PCLO: variants seen among roughly 807,000 people sequenced by gnomAD.
PCLO encodes the protein piccolo presynaptic cytomatrix protein, also known as protein piccolo.
A neutral mutation model predicts 427.5 loss-of-function variants in PCLO; 82 were observed. The ratio of observed to expected loss-of-function variants is 0.19; its 90% confidence interval spans 0.16 to 0.23. PCLO has a LOEUF of 0.23. Ranked by LOEUF, PCLO falls within the 10% of genes least tolerant of loss-of-function variation. The probability of loss-of-function intolerance (pLI) is 1.00; values close to 1 mark genes in which losing one functional copy is unlikely to be tolerated. For synonymous variants in PCLO, 2,357 were observed against 2,155.4 expected, an observed-to-expected ratio of 1.09 and a Z score of -2.59; for missense variants, 6,239 against 6,115.9, an observed-to-expected ratio of 1.02 and a Z score of -0.67.
intron 22 of PCLO, among the ~76,000 whole-genome samples, chr7:82,793,297 T>C (rs531673993): frequency 4.3e-4 from 65 of 152,280 alleles, no homozygotes; most frequent in Non-Finnish European, 8.5e-4. Flanking sequence ...CCTGGGGTTT[T>C]TAAGGGTAGT....
intron 3 of PCLO, among the ~76,000 whole-genome samples, chr7:83,016,536 T>C (rs1788212089): frequency 6.6e-6 from 1 of 152,076 alleles, no homozygotes; most frequent in Non-Finnish European, 1.5e-5. Context: ...AGGAAGGTTA[T>C]TGTTTAGACA....
intron 3 of PCLO, among the ~76,000 whole-genome samples, chr7:83,114,111 C>T (rs1791073201): frequency 1.3e-5 from 2 of 152,082 alleles, no homozygotes; most frequent in Non-Finnish European, 1.5e-5. Context: ...TAAGAGAAAG[C>T]CTGCATTTCA....
At chr7:82,866,655 T>TACACACACAC (rs71096605) in intron 10 of PCLO, among the ~76,000 whole-genome samples, 24 of 143,106 alleles carry the variant, frequency 1.7e-4, no homozygotes, top group Non-Finnish European at 2.7e-4. Context: ...TGAAATTTTA[T>TACACACACAC]ACACACACAC....
intron 20 of PCLO, among the ~76,000 whole-genome samples, chr7:82,806,529 G>A (rs936082178): frequency 6.6e-6 from 1 of 152,232 alleles, no homozygotes; most frequent in South Asian, 2.1e-4. Context: ...TGCAGTAGGG[G>A]TATAGTACTA....
rs1459184400 is a variant in PCLO at position 82,950,759 on chromosome 7, C to T, written c.9829G>A (p.Ala3277Thr). The change falls in exon 6 of 25, where the codon GCC becomes ACC. Residue 3277 changes from alanine to threonine, a missense_variant. Around this residue, in one of 5 missense-constraint regions of PCLO, gnomAD observed 4,677 missense variants for 4,468.4 expected, o/e 1.05. Coordinates refer to ENST00000333891, the MANE Select transcript of PCLO (RefSeq NM_033026.6). ...GTCTCCTGCCTCATCATGAACTGGGCTTGCCGCTCTTCTTCTTGCTGAAAG... is the reference window on the plus strand; with the variant it reads ...GTCTCCTGCCTCATCATGAACTGGGTTTGCCGCTCTTCTTCTTGCTGAAAG... ...LLFQQEEERQ[A>T]QFMMRQETLA... 2.5e-6 allele frequency: 4 copies of T among 1,613,848 alleles called. No homozygotes were observed. The highest frequency in any genetic ancestry group is 2.5e-6 in the Non-Finnish European group (3 of 1,179,844).
chr7:83,098,363 A>T (rs1323066868), intron 3 of PCLO, among the ~76,000 whole-genome samples: 1 of 152,148 alleles, frequency 6.6e-6, no homozygotes, highest in Non-Finnish European at 1.5e-5. Context: ...ATTGTTAATG[A>T]TCAAGTAACA....
Position 82,846,584 on chromosome 7 carries a change from T to C in PCLO, c.13814A>G (p.His4605Arg). 1 of 1,608,190 alleles carries C rather than the reference T, an allele frequency of 6.2e-7. No individual in the cohort carries two copies. Among genetic ancestry groups the C allele is most frequent in the Non-Finnish European group, 8.5e-7 (1 of 1,176,502 alleles). ...TTACCTACCAGCTTTTGGTGGCTCATGAAGTTCCAGATGCTGGGAATTTTC... is the reference window on the plus strand; with the variant it reads ...TTACCTACCAGCTTTTGGTGGCTCACGAAGTTCCAGATGCTGGGAATTTTC... ...DSENSQHLEL[H>R]EPPKAVDKAK... The change falls in exon 12 of 25, where the codon CAT becomes CGT. Residue 4605 changes from histidine to arginine, a missense_variant. Physicochemically the swap from His to Arg is conservative, Grantham distance 29. Around this residue, in one of 5 missense-constraint regions of PCLO, gnomAD observed 877 missense variants for 925.5 expected, o/e 0.95. Transcript: ENST00000333891.
chr7:83,025,281 C>A (rs1490093938), intron 3 of PCLO, among the ~76,000 whole-genome samples: 1 of 151,426 alleles, frequency 6.6e-6, no homozygotes, highest in Non-Finnish European at 1.5e-5. Context: ...AGCTGAAAAC[C>A]AAGGCTCGAG....
intron 2 of PCLO, among the ~76,000 whole-genome samples, chr7:83,151,136 G>A (rs1792118222): frequency 6.6e-6 from 1 of 152,104 alleles, no homozygotes. Flanking sequence ...TTGGTAGGCA[G>A]TATTAGAAAA....
At chr7:82,921,455 T>C (rs192672044) in intron 6 of PCLO, among the ~76,000 whole-genome samples, 138 of 152,074 alleles carry the variant, frequency 9.1e-4, no homozygotes, top group African/African-American at 3.3e-3. Flanking sequence ...CCTACAGCCA[T>C]CTGATCTTCA....
In PCLO at chr7:83,049,239, G is replaced by GA. The variant is rs894626047; in HGVS notation, c.3301-82753dup. ...CTGAAAGATAAGAGCGGCAATATAT[G>GA]AAAAATAAATCCACTGACCAGCAAG... On this transcript the variant is annotated intron_variant, in intron 3 of 24. Transcript: ENST00000333891. 1.4e-4 allele frequency among the ~76,000 whole-genome samples: 21 copies of GA among 152,206 alleles called. 1 individual carries two copies. The highest frequency in any genetic ancestry group is 1.3e-3 in the Admixed American group (20 of 15,276).
intron 3 of PCLO, among the ~76,000 whole-genome samples, chr7:82,971,470 CTGGTGG>C: frequency 6.7e-6 from 1 of 149,304 alleles, no homozygotes; most frequent in East Asian, 1.9e-4. Context: ...CATAAAACTG[CTGGTGG>C]TCTATTATAT....
At chr7:82,990,414 C>T (rs1796350757) in intron 3 of PCLO, among the ~76,000 whole-genome samples, 1 of 152,084 alleles carries the variant, frequency 6.6e-6, no homozygotes, top group African/African-American at 2.4e-5. Context: ...TAATTAATTA[C>T]TACCCTGTAC....
intron 3 of PCLO, among the ~76,000 whole-genome samples, chr7:83,082,135 G>A (rs112770658): frequency 1.7e-4 from 25 of 149,330 alleles, no homozygotes; most frequent in East Asian, 3.9e-4. Context: ...ACACACACAC[G>A]CACACACATA....
intron 20 of PCLO, 49 bp downstream of exon 20, chr7:82,822,446 C>T: frequency 1.9e-6 from 3 of 1,612,626 alleles, no homozygotes; most frequent in Non-Finnish European, 2.5e-6. Context: ...AGAAAGGCAA[C>T]AGATGAACAT....
intron 10 of PCLO, among the ~76,000 whole-genome samples, chr7:82,866,748 AG>A (rs1380618852): frequency 6.6e-6 from 1 of 151,744 alleles, no homozygotes; most frequent in Admixed American, 6.6e-5. Context: ...GCATTCTTGT[AG>A]GCTATTGTTT....
At chr7:83,143,795 C>T (rs1267176998) in intron 2 of PCLO, among the ~76,000 whole-genome samples, 1 of 152,128 alleles carries the variant, frequency 6.6e-6, no homozygotes, top group East Asian at 1.9e-4. Context: ...ATGCATTATG[C>T]ATTAACACTT....
In PCLO at chr7:82,775,173, A is replaced by T. The variant is rs181400969; in HGVS notation, c.15008-13680T>A. On this transcript the variant is annotated intron_variant, in intron 22 of 24. Transcript: ENST00000333891. The stretch of plus-strand genomic sequence containing the variant: ...TGTTGTTTGCTTCCAAGATTTGGCA[A>T]TTATGACTTAAGCTGCTATAAACAT... Among the ~76,000 whole-genome samples, 4 of 152,318 alleles carry T rather than the reference A, an allele frequency of 2.6e-5. No individual in the cohort carries two copies. In the East Asian group the frequency reaches 5.8e-4, roughly 22 times the overall value.
At chr7:82,899,636 T>C (rs1198747663) in intron 9 of PCLO, among the ~76,000 whole-genome samples, 1 of 151,522 alleles carries the variant, frequency 6.6e-6, no homozygotes, top group Non-Finnish European at 1.5e-5. Flanking sequence ...AGTACATTAC[T>C]AGCAAATTTA....
Sources: gnomAD v4.1 joint callset for allele counts (sites outside exome capture counted in the v4.1 genomes callset) on GRCh38, gnomAD v4.1.1 for gene constraint, gnomAD v4.1.1 regional missense constraint, MANE v1.5 for transcripts, NCBI Gene and HGNC (gene_info 2026-07-23, HGNC 2026-07-21) for gene names.